Variants in RBM18 observed in about 807,000 individuals in gnomAD.
The protein encoded by RBM18 is RNA binding motif protein 18.
RBM18 carries 18 observed loss-of-function variants against 26.4 expected under a neutral mutation model. The observed-to-expected ratio is 0.68, with a 90% CI of 0.47 to 1.01. The LOEUF (loss-of-function observed/expected upper bound fraction) is 1.01, where lower values mean the gene tolerates loss of function less well. RBM18 is among the 50% of genes least tolerant of loss of function. RBM18 has a pLI of 0.00. For missense variants in RBM18, 180 were observed against 219.2 expected (o/e 0.82, Z 1.13); for synonymous variants, 74 against 81.1 (o/e 0.91, Z 0.47).
intron 2 of RBM18, among the ~76,000 whole-genome samples, chr9:122,256,053 CAACAACAACA>C (rs2118969703): frequency 6.6e-6 from 1 of 152,056 alleles, no homozygotes; most frequent in African/African-American, 2.4e-5. Flanking sequence ...ACAACAACAA[CAACAACAACA>C]ACAAAAACCA....
intron 3 of RBM18, among the ~76,000 whole-genome samples, chr9:122,250,145 G>A (rs560795671): frequency 6.6e-6 from 1 of 150,456 alleles, no homozygotes; most frequent in Non-Finnish European, 1.5e-5. Flanking sequence ...AACAATTAGA[G>A]TAACAATGTA....
At position 122,250,571 on chromosome 9, in the gene RBM18, C is replaced by T. The variant is rs549949534; in HGVS notation, c.240+1276G>A. ...CAAATACAGATTAATGATTTTACTCCCCTCCACACACGTACATACAAACAC... is the reference window on the plus strand; with the variant it reads ...CAAATACAGATTAATGATTTTACTCTCCTCCACACACGTACATACAAACAC... On this transcript the variant is annotated intron_variant, in intron 3 of 5. Transcript: ENST00000417201. 2.6e-5 allele frequency among the ~76,000 whole-genome samples: 4 copies of T among 152,206 alleles called. No individual in the cohort carries two copies. In the South Asian group the frequency reaches 6.2e-4, roughly 24 times the overall value.
intron 2 of RBM18, 65 bp downstream of exon 2, chr9:122,261,315 C>T: frequency 8.7e-7 from 1 of 1,144,176 alleles, no homozygotes; most frequent in South Asian, 1.2e-5. Context: ...GAAAATTCTT[C>T]TTGACATCAT....
chr9:122,247,652 T>A, intron 3 of RBM18, 48 bp from the exon 4 acceptor site: 1 of 1,404,014 alleles, frequency 7.1e-7, no homozygotes, highest in Non-Finnish European at 1.0e-6. Context: ...AATGCTTAAC[T>A]AGCTATATGT....
At chr9:122,254,474 C>T (rs1831656441) in intron 2 of RBM18, 1 of 160,372 alleles carries the variant, frequency 6.2e-6, no homozygotes, top group African/African-American at 2.4e-5. Context: ...CATCTGCAAG[C>T]ACTTTTATCT....
chr9:122,262,483 A>C (rs541840294), intron 1 of RBM18, among the ~76,000 whole-genome samples: 130 of 152,348 alleles, frequency 8.5e-4, no homozygotes, highest in Non-Finnish European at 1.6e-3. Context: ...TCTCACAGCC[A>C]AGGAGAAAAG....
At chr9:122,261,342 A>G in intron 2 of RBM18, 38 bp downstream of exon 2, 1 of 1,402,386 alleles carries the variant, frequency 7.1e-7, no homozygotes, top group Non-Finnish European at 1.0e-6. Context: ...AAAACATCCC[A>G]ATATTGTAGG....
intron 2 of RBM18, among the ~76,000 whole-genome samples, chr9:122,252,258 T>G (rs569578056): frequency 1.2e-4 from 19 of 152,346 alleles, no homozygotes; most frequent in African/African-American, 4.3e-4. Context: ...CAAGCACTAT[T>G]TGTTTTTCTT....
intron 2 of RBM18, among the ~76,000 whole-genome samples, chr9:122,260,584 G>T (rs1047692266): frequency 1.6e-4 from 25 of 152,180 alleles, no homozygotes; most frequent in African/African-American, 5.5e-4. Context: ...CTCGGGCAAG[G>T]TACTTCTGTC....
intron 2 of RBM18, among the ~76,000 whole-genome samples, chr9:122,254,950 G>A (rs1356175782): frequency 6.6e-6 from 1 of 152,202 alleles, no homozygotes; most frequent in Non-Finnish European, 1.5e-5. Context: ...GTCAGTGTGA[G>A]TGAGTACTAA....
chr9:122,253,700 T>C (rs1286233977), intron 2 of RBM18, among the ~76,000 whole-genome samples: 2 of 144,530 alleles, frequency 1.4e-5, no homozygotes, highest in Non-Finnish European at 3.0e-5. Context: ...TGCCACAGAA[T>C]GGGGAGTCAA....
At chr9:122,251,704 A>T in intron 3 of RBM18, 143 bp downstream of exon 3, 1 of 696,674 alleles carries the variant, frequency 1.4e-6, no homozygotes, top group Non-Finnish European at 2.4e-6. Flanking sequence ...AGGATCCCTT[A>T]TAGGACTCAG....
intron 2 of RBM18, among the ~76,000 whole-genome samples, chr9:122,259,854 T>TAATTTTTTTTTTTTTTA (rs1831758096): frequency 6.6e-6 from 1 of 151,962 alleles, no homozygotes; most frequent in Non-Finnish European, 1.5e-5. Context: ...CCACCATGCC[T>TAATTTTTTTTTTTTTTA]GGCTAATTTT....
chr9:122,257,234 C>T (rs549728253), intron 2 of RBM18, among the ~76,000 whole-genome samples: 6 of 152,168 alleles, frequency 3.9e-5, no homozygotes, highest in African/African-American at 1.4e-4. Context: ...ATCCGCCTCC[C>T]GGGTTCACGC....
At chr9:122,250,248 A>T (rs1399429561) in intron 3 of RBM18, among the ~76,000 whole-genome samples, 1 of 152,206 alleles carries the variant, frequency 6.6e-6, no homozygotes, top group Non-Finnish European at 1.5e-5. Context: ...CAATCTCAGA[A>T]CATACTGATA....
At chr9:122,258,473 T>A (rs887472785) in intron 2 of RBM18, among the ~76,000 whole-genome samples, 2 of 152,148 alleles carry the variant, frequency 1.3e-5, no homozygotes, top group Non-Finnish European at 2.9e-5. Context: ...TTCACCACAT[T>A]GGCTAGGATG....
chr9:122,257,368 G>A (rs1410793965), intron 2 of RBM18, among the ~76,000 whole-genome samples: 1 of 152,112 alleles, frequency 6.6e-6, no homozygotes, highest in East Asian at 1.9e-4. Flanking sequence ...GGATGGTCTC[G>A]ATCTCCTGAC....
chr9:122,261,576 A>G, intron 1 of RBM18, 68 bp from the exon 2 acceptor site: 1 of 1,027,840 alleles, frequency 9.7e-7, no homozygotes, highest in South Asian at 1.3e-5. Flanking sequence ...TTCAAATTCA[A>G]CTCAACAAAC....
chr9:122,252,796 C>A (rs1235158402), intron 2 of RBM18, among the ~76,000 whole-genome samples: 1 of 152,224 alleles, frequency 6.6e-6, no homozygotes, highest in Non-Finnish European at 1.5e-5. Context: ...GATGTTCACT[C>A]CAAGCTATTG....
Sources: allele counts gnomAD v4.1 joint callset (sites outside exome capture counted in the v4.1 genomes callset), GRCh38; gene constraint gnomAD v4.1.1; transcripts MANE v1.5; gene names NCBI Gene and HGNC (gene_info 2026-07-23, HGNC 2026-07-21).